Variants in ESR2 observed in about 807,000 individuals in gnomAD.
The protein encoded by ESR2 is estrogen receptor 2.
ESR2 carries 36 observed loss-of-function variants against 49.6 expected under a neutral mutation model. The observed-to-expected ratio is 0.73, with a 90% confidence interval of 0.56 to 0.96. The LOEUF is 0.96. Among genes scored for constraint, ESR2 ranks in the 40% least tolerant of loss-of-function variants. ESR2 has a pLI of 0.00. For missense variants in ESR2, 714 were observed against 693.0 expected (o/e 1.03, Z -0.34); for synonymous variants, 320 against 266.1 (o/e 1.20, Z -1.97).
intron 3 of ESR2, among the ~76,000 whole-genome samples, chr14:64,274,695 T>A (rs1017629445): frequency 1.3e-5 from 2 of 152,198 alleles, no homozygotes; most frequent in Non-Finnish European, 2.9e-5. Context: ...GATACATCAT[T>A]AAGTTGTTTA....
At chr14:64,292,433 A>C (rs757689336) in intron 1 of ESR2, among the ~76,000 whole-genome samples, 7 of 152,186 alleles carry the variant, frequency 4.6e-5, no homozygotes, top group Non-Finnish European at 7.3e-5. Context: ...ATAGAGGTAC[A>C]TTTACAGAGG....
At chr14:64,244,750 G>A (rs183425535) in intron 7 of ESR2, among the ~76,000 whole-genome samples, 68 of 152,342 alleles carry the variant, frequency 4.5e-4, no homozygotes, top group Admixed American at 1.1e-3. Context: ...CGCATATCAT[G>A]TGACTTCTCA....
chr14:64,239,140 C>T lies in ESR2; in HGVS notation c.1226-3990G>A, dbSNP rs374989204. 1.9e-4 allele frequency among the ~76,000 whole-genome samples: 29 copies of T among 152,328 alleles called. 1 individual carries two copies. Among genetic ancestry groups the T allele is most frequent in the African/African-American group, 6.0e-4 (25 of 41,576 alleles). On this transcript the variant is annotated intron_variant, in intron 7 of 8. Coordinates refer to ENST00000341099, the MANE Select transcript of ESR2 (RefSeq NM_001437.3). ...GAAAGGAACCTCTGGCCATGACCCA[C>T]GCCCTCTGTCACCACCTCCTGCCCC...
chr14:64,294,255 C>T lies in ESR2; in HGVS notation c.-313G>A, dbSNP rs1187133417. On this transcript the variant is annotated 5_prime_UTR_variant, in exon 1 of 9. Transcript: ENST00000341099. ...CCCAGCGCTCGCCGCCTGCTCTTCG[C>T]CCTGCAAGTTTCAAGAGGCAGTTAT... 1 of 152,330 alleles carries T rather than the reference C, an allele frequency of 6.6e-6. No homozygotes were observed. The highest frequency in any genetic ancestry group is 1.5e-5 in the Non-Finnish European group (1 of 68,132). The allele number at this position is 152,330 out of a possible 1,614,324, so 9.4% of individuals were successfully genotyped here.
intron 1 of ESR2, among the ~76,000 whole-genome samples, chr14:64,306,157 C>A (rs2077094649): frequency 6.6e-6 from 1 of 151,398 alleles, no homozygotes; most frequent in African/African-American, 2.4e-5. Flanking sequence ...GAGCTGAGAT[C>A]CGCCATTGCA....
intron 5 of ESR2, among the ~76,000 whole-genome samples, chr14:64,259,114 C>G (rs2076160683): frequency 6.6e-6 from 1 of 152,196 alleles, no homozygotes; most frequent in South Asian, 2.1e-4. Context: ...AAAGCAAAAA[C>G]TAGAGGAAAG....
intron 6 of ESR2, among the ~76,000 whole-genome samples, chr14:64,250,943 A>G (rs1467102153): frequency 1.3e-5 from 2 of 152,202 alleles, no homozygotes; most frequent in Middle Eastern, 3.2e-3. Flanking sequence ...CTGAGTTACT[A>G]AATTTACTAA....
chr14:64,249,505 C>T (rs2075942237), intron 7 of ESR2, 41 bp downstream of exon 7: 1 of 1,599,418 alleles, frequency 6.3e-7, no homozygotes, highest in East Asian at 2.2e-5. Context: ...GAAACAGCAT[C>T]TCTCCCCGAT....
At chr14:64,240,953 G>T (rs2075711797) in intron 7 of ESR2, among the ~76,000 whole-genome samples, 4 of 151,768 alleles carry the variant, frequency 2.6e-5, no homozygotes, top group African/African-American at 9.7e-5. Context: ...GACCATCCTG[G>T]CTAACACGGT....
intron 1 of ESR2, among the ~76,000 whole-genome samples, chr14:64,333,248 T>C (rs1477211097): frequency 6.6e-6 from 1 of 152,170 alleles, no homozygotes; most frequent in Non-Finnish European, 1.5e-5. Context: ...AGAGACATGT[T>C]TCAAAAATAA....
At chr14:64,292,518 G>T (rs2076889193) in intron 1 of ESR2, among the ~76,000 whole-genome samples, 4 of 152,176 alleles carry the variant, frequency 2.6e-5, no homozygotes, top group Admixed American at 2.0e-4. Context: ...AAAACAATGT[G>T]CTAGACACTG....
intron 1 of ESR2, among the ~76,000 whole-genome samples, chr14:64,290,682 C>T (rs1452709298): frequency 1.3e-5 from 2 of 152,126 alleles, no homozygotes; most frequent in Non-Finnish European, 2.9e-5. Context: ...AGATTACAGG[C>T]GTGAGCCACC....
intron 3 of ESR2, among the ~76,000 whole-genome samples, chr14:64,270,010 AG>A (rs1157476258): frequency 1.3e-5 from 2 of 152,146 alleles, no homozygotes; most frequent in Non-Finnish European, 2.9e-5. Context: ...GGTTTGAGAA[AG>A]GGTTAAGAAA....
chr14:64,282,865 G>C lies in ESR2; in HGVS notation c.121C>G (p.His41Asp), dbSNP rs1302830164. ...TAGAATGTCATGGCTGGATATTCAT[G>C]GTGGCTGTCTACATAGGAGGAAGGT... The part of the protein sequence containing the change: ...YIPSSYVDSH[H>D]EYPAMTFYSP... The change falls in exon 2 of 9, where the codon CAT becomes GAT. Residue 41 changes from histidine to aspartate, a missense_variant. Coordinates refer to ENST00000341099, the MANE Select transcript of ESR2 (RefSeq NM_001437.3). 1.2e-6 allele frequency: 2 copies of C among 1,614,208 alleles called. No homozygotes were observed. The highest frequency in any genetic ancestry group is 3.3e-5 in the Admixed American group (2 of 60,030).
intron 1 of ESR2, among the ~76,000 whole-genome samples, chr14:64,333,513 C>CT (rs761313853): frequency 2.0e-4 from 30 of 152,098 alleles, no homozygotes; most frequent in African/African-American, 2.7e-4. Context: ...TTTCACACTG[C>CT]TGATAAAGAC....
At chr14:64,328,577 G>C (rs535304685) in intron 1 of ESR2, among the ~76,000 whole-genome samples, 1 of 152,148 alleles carries the variant, frequency 6.6e-6, no homozygotes, top group Non-Finnish European at 1.5e-5. Flanking sequence ...CATCACACAC[G>C]GTATCTCAGT....
upstream of ESR2, among the ~76,000 whole-genome samples, chr14:64,296,543 TAAG>T (rs928743570): frequency 2.0e-5 from 3 of 152,216 alleles, no homozygotes; most frequent in Non-Finnish European, 4.4e-5. Flanking sequence ...TATCAGTGGC[TAAG>T]AAGGACTTGA....
At chr14:64,245,779 G>T (rs1262399450) in intron 7 of ESR2, among the ~76,000 whole-genome samples, 1 of 152,140 alleles carries the variant, frequency 6.6e-6, no homozygotes, top group Non-Finnish European at 1.5e-5. Context: ...CCAAACAGAA[G>T]GCTTTATACT....
At position 64,252,662 on chromosome 14, in the gene ESR2, C is replaced by T. The variant is rs150691146; in HGVS notation, c.1092-2983G>A. 5.4e-4 allele frequency among the ~76,000 whole-genome samples: 82 copies of T among 152,198 alleles called. 1 individual carries two copies. In the East Asian group the frequency reaches 0.013, roughly 24 times the overall value. On this transcript the variant is annotated intron_variant, in intron 6 of 8. Coordinates refer to ENST00000341099, the MANE Select transcript of ESR2 (RefSeq NM_001437.3). ...GAGAGCGAGTGACTGAGCAAGACAG[C>T]CGGGAGCTGCCAAACACTTTTAAAG...
Sources: allele counts gnomAD v4.1 joint callset (sites outside exome capture counted in the v4.1 genomes callset), GRCh38; gene constraint gnomAD v4.1.1; transcripts MANE v1.5; gene names NCBI Gene and HGNC (gene_info 2026-07-23, HGNC 2026-07-21).